Variants in OLFM2 observed in about 807,000 individuals in gnomAD.
OLFM2 encodes olfactomedin 2.
Under a neutral mutation model 43.9 loss-of-function variants are expected in OLFM2, and 20 were observed. The observed-to-expected ratio is 0.46, with a 90% CI of 0.32 to 0.66. OLFM2 has a LOEUF of 0.66. Among genes scored for constraint, OLFM2 ranks in the 30% least tolerant of loss-of-function variants. The probability of loss-of-function intolerance (pLI) is 0.04; values close to 1 mark genes in which losing one functional copy is unlikely to be tolerated. For missense variants in OLFM2, 416 were observed against 643.6 expected (o/e 0.65, Z 3.83); for synonymous variants, 268 against 278.6 (o/e 0.96, Z 0.38).
chr19:9,870,101 T>C (rs2046431288), intron 1 of OLFM2, among the ~76,000 whole-genome samples: 1 of 152,058 alleles, frequency 6.6e-6, no homozygotes, highest in Non-Finnish European at 1.5e-5. Flanking sequence ...AGTCTCACTA[T>C]GTTGCCCAGG....
chr19:9,873,837 G>A (rs1364254157), intron 1 of OLFM2, among the ~76,000 whole-genome samples: 2 of 98,064 alleles, frequency 2.0e-5, no homozygotes, highest in East Asian at 6.6e-4. Context: ...TTTTTGTAGA[G>A]ACAGGATCTC....
At chr19:9,896,634 T>C (rs1364449796) in intron 1 of OLFM2, among the ~76,000 whole-genome samples, 3 of 152,192 alleles carry the variant, frequency 2.0e-5, no homozygotes, top group Non-Finnish European at 2.9e-5. Flanking sequence ...GCATAAGCAA[T>C]TCCCTCTGCG....
intron 5 of OLFM2, among the ~76,000 whole-genome samples, chr19:9,855,127 A>G (rs1205978669): frequency 6.6e-6 from 1 of 151,996 alleles, no homozygotes; most frequent in Non-Finnish European, 1.5e-5. Context: ...TCCAATGACC[A>G]GGGAATTCCT....
rs1173877973 is a variant in OLFM2, at chr19:9,857,054, T to TG, written c.581-142dup. On this transcript the variant is annotated intron_variant, in intron 4 of 5. Coordinates refer to ENST00000264833, the MANE Select transcript of OLFM2 (RefSeq NM_058164.4). This position sits in a 1 kb window ranked among gnomAD's most constrained non-coding sequence, Gnocchi z 5.7. ...ACTCAAAAATCTGGTCCCAATATGTTGTTCAGTTGTGAGTGAGGGGTTAGA... is the reference window on the plus strand; with the variant it reads ...ACTCAAAAATCTGGTCCCAATATGTTGGTTCAGTTGTGAGTGAGGGGTTAGA... 1.3e-5 allele frequency: 11 copies of TG among 840,174 alleles called. No homozygotes were observed. Among genetic ancestry groups the TG allele is most frequent in the Non-Finnish European group, 1.9e-5 (10 of 517,630 alleles). The allele number at this position is 840,174 out of a possible 1,614,324, so 52.0% of individuals were successfully genotyped here.
chr19:9,927,209 G>A (rs1213172760), intron 1 of OLFM2, among the ~76,000 whole-genome samples: 1 of 151,662 alleles, frequency 6.6e-6, no homozygotes, highest in East Asian at 1.9e-4. Flanking sequence ...TTGAACCTGG[G>A]AGGGGAGGGT....
At position 9,860,714 on chromosome 19, in the gene OLFM2, G is replaced by A. The variant is rs370489447; in HGVS notation, c.144C>T (p.Ala48=). 65 of 1,606,980 alleles carry A rather than the reference G, an allele frequency of 4.0e-5. No homozygotes were observed. The highest frequency in any genetic ancestry group is 2.0e-4 in the South Asian group (18 of 89,690). ...QAPDGKCICT[A]VIPAQSTCSR... Reference sequence around the variant, plus strand: ...AGCAGGTACTCTGCGCTGGGATCACGGCCGTGCAGATGCATTTCCCGTCAG... The same window carrying A: ...AGCAGGTACTCTGCGCTGGGATCACAGCCGTGCAGATGCATTTCCCGTCAG... The change falls in exon 2 of 6, where the codon GCC becomes GCT. Residue 48 remains alanine (A), a synonymous_variant. Coordinates refer to ENST00000264833, the MANE Select transcript of OLFM2 (RefSeq NM_058164.4).
chr19:9,884,675 G>A (rs1373741281), intron 1 of OLFM2, among the ~76,000 whole-genome samples: 6 of 152,136 alleles, frequency 3.9e-5, no homozygotes, highest in African/African-American at 1.2e-4. Context: ...ATCTAAGATA[G>A]GTCTGTGTTC....
chr19:9,935,299 G>T (rs1304513600), intron 1 of OLFM2, among the ~76,000 whole-genome samples: 1 of 152,144 alleles, frequency 6.6e-6, no homozygotes, highest in Admixed American at 6.6e-5. Context: ...AACTCCTACA[G>T]ATCTGAGAAC....
intron 1 of OLFM2, among the ~76,000 whole-genome samples, chr19:9,881,995 G>A (rs2046543578): frequency 6.6e-6 from 1 of 152,230 alleles, no homozygotes; most frequent in South Asian, 2.1e-4. Context: ...ACCGTGGGAG[G>A]AGGCCGAGGC....
In OLFM2 at chr19:9,857,918, G is replaced by A; in HGVS notation, c.214-57C>T. On this transcript the variant is annotated intron_variant, in intron 2 of 5. Coordinates refer to ENST00000264833, the MANE Select transcript of OLFM2 (RefSeq NM_058164.4). This position sits in a 1 kb window ranked among gnomAD's most constrained non-coding sequence, Gnocchi z 5.7. ...CTCCTTCCCCAAATCCCAACCCAGA[G>A]ATGCCACAGACAAGAGCTGGCAGGA... 1.2e-6 allele frequency: 2 copies of A among 1,608,438 alleles called. No individual in the cohort carries two copies. Among genetic ancestry groups the A allele is most frequent in the Non-Finnish European group, 1.7e-6 (2 of 1,176,448 alleles).
At chr19:9,897,364 G>A (rs950064728) in intron 1 of OLFM2, among the ~76,000 whole-genome samples, 1 of 151,738 alleles carries the variant, frequency 6.6e-6, no homozygotes, top group Non-Finnish European at 1.5e-5. Context: ...AGGCATGGTG[G>A]TGTGAGCCTG....
At chr19:9,883,036 TA>T (rs34606062) in intron 1 of OLFM2, among the ~76,000 whole-genome samples, 129,992 of 146,120 alleles carry the variant, frequency 0.89, 58,797 homozygotes, top group Non-Finnish European at 0.98. Flanking sequence ...CCATCTCTAC[TA>T]AAAAAAAAAA....
intron 1 of OLFM2, among the ~76,000 whole-genome samples, chr19:9,874,003 T>G (rs4325679): frequency 0.12 from 18,961 of 152,002 alleles, 1,387 homozygotes; most frequent in Middle Eastern, 0.21. Context: ...GTTACAACAA[T>G]AATACAGAGA....
chr19:9,890,426 T>C (rs2046628668), intron 1 of OLFM2, among the ~76,000 whole-genome samples: 1 of 152,096 alleles, frequency 6.6e-6, no homozygotes, highest in African/African-American at 2.4e-5. Flanking sequence ...AAACAGGTCA[T>C]GAGAATGGGT....
At chr19:9,907,325 C>T (rs2046793731) in intron 1 of OLFM2, among the ~76,000 whole-genome samples, 1 of 152,064 alleles carries the variant, frequency 6.6e-6, no homozygotes. Flanking sequence ...CAGGGTGGCG[C>T]ACACCTGTAG....
intron 2 of OLFM2, chr19:9,858,251 CCTCT>C (rs1406870740): frequency 4.3e-5 from 14 of 327,592 alleles, no homozygotes; most frequent in Admixed American, 2.3e-4. Context: ...CAACCCACTT[CCTCT>C]CTCTTTGTTC....
chr19:9,905,427 A>G (rs2046777415), intron 1 of OLFM2, among the ~76,000 whole-genome samples: 1 of 152,078 alleles, frequency 6.6e-6, no homozygotes, highest in Non-Finnish European at 1.5e-5. Flanking sequence ...ACTGCATTCC[A>G]GCCTGGGCAA....
At chr19:9,928,014 T>C (rs1333233202) in intron 1 of OLFM2, among the ~76,000 whole-genome samples, 1 of 151,830 alleles carries the variant, frequency 6.6e-6, no homozygotes, top group East Asian at 1.9e-4. Flanking sequence ...CTGGGCAACA[T>C]AGTGAGACCC....
At chr19:9,883,337 G>A (rs960252382) in intron 1 of OLFM2, among the ~76,000 whole-genome samples, 4 of 152,080 alleles carry the variant, frequency 2.6e-5, no homozygotes, top group Non-Finnish European at 5.9e-5. Context: ...CTCTGGGTAA[G>A]CCCAAGACTT....
Sources: allele counts gnomAD v4.1 joint callset (sites outside exome capture counted in the v4.1 genomes callset), GRCh38; gene constraint gnomAD v4.1.1; non-coding constraint Gnocchi (gnomAD v3.1); transcripts MANE v1.5; gene names NCBI Gene and HGNC (gene_info 2026-07-23, HGNC 2026-07-21).